RGS12: variants seen among roughly 807,000 people sequenced by gnomAD.
RGS12 encodes the protein regulator of G-protein signaling 12.
A neutral mutation model predicts 120.1 loss-of-function variants in RGS12; 66 were observed. The ratio of observed to expected loss-of-function variants is 0.55; its 90% CI spans 0.45 to 0.67. RGS12 has a LOEUF of 0.67. RGS12 is among the 30% of genes least tolerant of loss of function. RGS12 has a pLI of 0.00. For synonymous variants in RGS12, 827 were observed against 804.7 expected, an observed-to-expected ratio of 1.03 and a Z score of -0.47; for missense variants, 1,859 against 1,957.7, an observed-to-expected ratio of 0.95 and a Z score of 0.95.
At chr4:3,363,657 C>T (rs921288911) in intron 3 of RGS12, among the ~76,000 whole-genome samples, 7 of 152,190 alleles carry the variant, frequency 4.6e-5, no homozygotes, top group African/African-American at 2.4e-5. Context: ...GGGCTCCATG[C>T]GGGAGTGAGG....
intron 1 of RGS12, among the ~76,000 whole-genome samples, chr4:3,307,737 AGT>A (rs1025061088): frequency 5.9e-5 from 9 of 152,274 alleles, no homozygotes; most frequent in African/African-American, 2.2e-4. Context: ...CCCACTGTGA[AGT>A]GTGTGGACAG....
intron 3 of RGS12, among the ~76,000 whole-genome samples, chr4:3,376,608 C>T (rs1180253614): frequency 6.6e-6 from 1 of 152,252 alleles, no homozygotes; most frequent in Non-Finnish European, 1.5e-5. Context: ...CAGCACGGGC[C>T]TGGAGACATG....
In RGS12 at chr4:3,306,774, T is replaced by C. The variant is rs73792401; in HGVS notation, c.-101-9296T>C. Among the ~76,000 whole-genome samples the C allele has an allele frequency of 4.7e-3, 715 of 151,826 alleles. 7 individuals are homozygous for C. Among genetic ancestry groups the C allele is most frequent in the African/African-American group, 0.017 (685 of 41,358 alleles). On this transcript the variant is annotated intron_variant, in intron 1 of 17. Transcript: ENST00000336727. The stretch of plus-strand genomic sequence containing the variant: ...GCTTCTGTTTGGGTAGGGAATGTCC[T>C]GGGGGACGCTGGTGGGTGGGAACAA...
intron 17 of RGS12, among the ~76,000 whole-genome samples, chr4:3,435,176 C>T (rs578069967): frequency 6.6e-6 from 1 of 152,306 alleles, no homozygotes; most frequent in East Asian, 1.9e-4. Flanking sequence ...GCCCCCGGAG[C>T]TCAGCTACCT....
rs143443378 is a variant in RGS12, at chr4:3,329,739, G to A, written c.1881+11688G>A. Among the ~76,000 whole-genome samples, 82 of 152,328 alleles carry A rather than the reference G, an allele frequency of 5.4e-4. 3 individuals carry two copies. The East Asian group carries it at 7.9e-3, about 15-fold the overall frequency. On this transcript the variant is annotated intron_variant, in intron 2 of 17. Transcript: ENST00000336727. ...CAGGTGTAATTTTGGCTTAGAGTTA[G>A]AAAATCAGATTGGGTTATATAAAAT...
rs1719205517 is a variant in RGS12, at chr4:3,389,239, C to T, written c.2020+2802C>T. Among the ~76,000 whole-genome samples the T allele has an allele frequency of 1.3e-5, 2 of 151,976 alleles. No individual in the cohort carries two copies. Among genetic ancestry groups the T allele is most frequent in the Admixed American group, 6.6e-5 (1 of 15,262 alleles). On this transcript the variant is annotated intron_variant, in intron 4 of 17. Coordinates refer to ENST00000336727, the MANE Select transcript of RGS12 (RefSeq NM_001394154.1). The surrounding 1 kb of genome is among the most constrained non-coding windows in gnomAD (Gnocchi z 5.2). ...AAGAAAGGGGCTGATAATGGCCACC[C>T]GTTTGTAGCCAAAGAGTGCCCTCGG...
chr4:3,290,192 C>T (rs994197141), upstream of RGS12, among the ~76,000 whole-genome samples: 10 of 152,286 alleles, frequency 6.6e-5, no homozygotes, highest in Middle Eastern at 3.4e-3. Context: ...CTGGATCACA[C>T]GGTAGTTCTA....
At position 3,316,333 on chromosome 4, in the gene RGS12, T is replaced by G. The variant is rs1176765810; in HGVS notation, c.163T>G (p.Phe55Val). The G allele has an allele frequency of 6.2e-7, 1 of 1,614,196 alleles. No homozygotes were observed. Among genetic ancestry groups the G allele is most frequent in the Admixed American group, 1.7e-5 (1 of 60,032 alleles). ...SCVMRGSPAD[F>V]VGLRAGDQIL... ...CGTCATGAGAGGGAGCCCTGCGGAT[T>G]TCGTGGGCCTCCGAGCTGGAGACCA... Residue 55 changes from phenylalanine (F) to valine (V), a missense_variant, in exon 2 of 18, where the codon TTC (phenylalanine) becomes GTC (valine). This residue lies in a region of RGS12 where 967 missense variants were observed against 994.2 expected (regional missense o/e 0.97). Transcript: ENST00000336727.
intron 13 of RGS12, 62 bp downstream of exon 13, chr4:3,423,703 C>G: frequency 6.4e-7 from 1 of 1,562,854 alleles, no homozygotes. Flanking sequence ...CTTTGGCAGC[C>G]TCTGTGTTGT....
At chr4:3,328,377 C>T (rs900244725) in intron 2 of RGS12, among the ~76,000 whole-genome samples, 12 of 152,190 alleles carry the variant, frequency 7.9e-5, no homozygotes, top group Admixed American at 7.8e-4. Flanking sequence ...TGCACTTGTA[C>T]TCCATACGTT....
chr4:3,370,224 G>A (rs746739340), intron 3 of RGS12: 7 of 1,606,330 alleles, frequency 4.4e-6, no homozygotes, highest in Admixed American at 1.7e-5. Flanking sequence ...GTGTTGAATG[G>A]TGTGTCTTAG....
chr4:3,401,770 G>A (rs1720611787), intron 4 of RGS12, among the ~76,000 whole-genome samples: 1 of 152,274 alleles, frequency 6.6e-6, no homozygotes, highest in Non-Finnish European at 1.5e-5. Flanking sequence ...GTCAGCACCT[G>A]TGAATCGTGA....
intron 3 of RGS12, among the ~76,000 whole-genome samples, chr4:3,363,102 A>AGT (rs200690267): frequency 1.7e-5 from 2 of 119,040 alleles, no homozygotes; most frequent in Non-Finnish European, 3.7e-5. Context: ...TGTGTATGTG[A>AGT]GTGTGTGTGT....
In RGS12 at chr4:3,389,870, C is replaced by A. The variant is rs1560139167; in HGVS notation, c.2020+3433C>A. Among the ~76,000 whole-genome samples the A allele has an allele frequency of 6.6e-6, 1 of 152,304 alleles. No individual in the cohort carries two copies. Among genetic ancestry groups the A allele is most frequent in the East Asian group, 1.9e-4 (1 of 5,186 alleles). On this transcript the variant is annotated intron_variant, in intron 4 of 17. Transcript: ENST00000336727. The surrounding 1 kb of genome is among the most constrained non-coding windows in gnomAD (Gnocchi z 5.2). ...AAACACTCCGTTCTCGCAGCCTCAC[C>A]CTGGGGACCCCCGACACGTACTAGT...
intron 12 of RGS12, 52 bp downstream of exon 12, chr4:3,423,030 G>A: frequency 2.8e-6 from 4 of 1,446,480 alleles, no homozygotes; most frequent in South Asian, 2.3e-5. Context: ...CCAACCCCGT[G>A]TGCCCACCAC....
At chr4:3,345,523 C>G (rs1273572734) in intron 3 of RGS12, among the ~76,000 whole-genome samples, 1 of 152,192 alleles carries the variant, frequency 6.6e-6, no homozygotes, top group Non-Finnish European at 1.5e-5. Context: ...TCCACATCAT[C>G]AGGAAGTGAC....
intron 3 of RGS12, among the ~76,000 whole-genome samples, chr4:3,384,763 G>A (rs1718651230): frequency 1.3e-5 from 2 of 152,248 alleles, no homozygotes; most frequent in Non-Finnish European, 2.9e-5. Flanking sequence ...GTCTCACACA[G>A]TGCCTGTCAG....
chr4:3,403,687 T>A (rs561603533), intron 4 of RGS12, among the ~76,000 whole-genome samples: 18 of 152,362 alleles, frequency 1.2e-4, no homozygotes, highest in South Asian at 6.2e-4. Flanking sequence ...CTCCGCAGCC[T>A]GTGCTGCTTA....
At chr4:3,339,231 T>A (rs1304726898) in intron 2 of RGS12, among the ~76,000 whole-genome samples, 1 of 152,072 alleles carries the variant, frequency 6.6e-6, no homozygotes, top group Non-Finnish European at 1.5e-5. Flanking sequence ...ACCTGTAATC[T>A]CAGCACTTTG....
Sources: gnomAD v4.1 joint callset for allele counts (sites outside exome capture counted in the v4.1 genomes callset) on GRCh38, gnomAD v4.1.1 for gene constraint, gnomAD v4.1.1 regional missense constraint, Gnocchi (gnomAD v3.1) non-coding constraint, MANE v1.5 for transcripts, NCBI Gene and HGNC (gene_info 2026-07-23, HGNC 2026-07-21) for gene names.